The following PDS5B variants were observed in gnomAD, a reference collection of about 807,000 sequenced individuals.
PDS5B encodes the protein sister chromatid cohesion protein PDS5 homolog B.
In PDS5B, 51 loss-of-function variants were observed where a neutral mutation model predicts 184.1. The observed-to-expected ratio is 0.28, with a 90% CI of 0.22 to 0.35. The LOEUF (loss-of-function observed/expected upper bound fraction) is 0.35, where lower values mean the gene tolerates loss of function less well. PDS5B is among the 10% of genes least tolerant of loss of function. The pLI is 1.00. For synonymous variants in PDS5B, 566 were observed against 569.2 expected, an observed-to-expected ratio of 0.99 and a Z score of 0.08; for missense variants, 1,180 against 1,723.3, an observed-to-expected ratio of 0.68 and a Z score of 5.58.
chr13:32,592,193 C>G (rs557939240), intron 1 of PDS5B, among the ~76,000 whole-genome samples: 12 of 152,294 alleles, frequency 7.9e-5, no homozygotes, highest in African/African-American at 2.6e-4. Context: ...CTTTTCCTGT[C>G]AGGCATGGCA....
intron 1 of PDS5B, among the ~76,000 whole-genome samples, chr13:32,595,566 C>G (rs1031380201): frequency 1.3e-5 from 2 of 152,122 alleles, no homozygotes; most frequent in African/African-American, 4.8e-5. Context: ...GAGGTATACA[C>G]AGAGTCTGTG....
intron 10 of PDS5B, 99 bp downstream of exon 10, chr13:32,679,028 A>G (rs1467962926): frequency 1.0e-5 from 6 of 599,572 alleles, no homozygotes; most frequent in African/African-American, 1.9e-5. Flanking sequence ...CGGGGGTGGT[A>G]GGTGAAGTCT....
chr13:32,662,282 G>C (rs1323114907), intron 6 of PDS5B, among the ~76,000 whole-genome samples: 1 of 152,030 alleles, frequency 6.6e-6, no homozygotes, highest in Non-Finnish European at 1.5e-5. Context: ...GTGCACACAG[G>C]CTCAAAATAT....
chr13:32,683,253 C>G (rs1412393398), intron 10 of PDS5B, among the ~76,000 whole-genome samples: 3 of 151,928 alleles, frequency 2.0e-5, no homozygotes, highest in Non-Finnish European at 4.4e-5. Context: ...AAGTGATCCA[C>G]CTACCTCATC....
chr13:32,748,162 T>A (rs139018676), intron 24 of PDS5B, among the ~76,000 whole-genome samples: 2 of 152,354 alleles, frequency 1.3e-5, no homozygotes, highest in Non-Finnish European at 2.9e-5. Flanking sequence ...AGCAAAGCTT[T>A]TCTGTAATCT....
chr13:32,764,856 T>G (rs1954535073), intron 31 of PDS5B, among the ~76,000 whole-genome samples: 1 of 152,144 alleles, frequency 6.6e-6, no homozygotes, highest in Non-Finnish European at 1.5e-5. Context: ...AACTGCTTGG[T>G]TTTTGTATTG....
chr13:32,635,860 C>G (rs1388676080), intron 1 of PDS5B, among the ~76,000 whole-genome samples: 1 of 150,612 alleles, frequency 6.6e-6, no homozygotes, highest in Non-Finnish European at 1.5e-5. Context: ...GCTCCACCTC[C>G]TCGGTTCACG....
intron 1 of PDS5B, among the ~76,000 whole-genome samples, chr13:32,627,221 A>G (rs1404234046): frequency 5.9e-5 from 9 of 152,184 alleles, no homozygotes; most frequent in Non-Finnish European, 1.3e-4. Context: ...TGTGATATCT[A>G]GGGGACTCTG....
In PDS5B at chr13:32,775,247, A is replaced by G. The variant is rs1300589264; in HGVS notation, c.*195A>G. On this transcript the variant is annotated 3_prime_UTR_variant, in exon 35 of 35. Coordinates refer to ENST00000315596, the MANE Select transcript of PDS5B (RefSeq NM_015032.4). ...AGCCATACACATGGTAACATTGACT[A>G]TGGAGTCTTGTGAAAGTGTAATGTG... The G allele has an allele frequency of 1.0e-5, 6 of 579,746 alleles. No individual in the cohort carries two copies. The highest frequency in any genetic ancestry group is 5.6e-5 in the East Asian group (2 of 35,442). The allele number at this position is 579,746 out of a possible 1,614,324, so 35.9% of individuals were successfully genotyped here.
intron 1 of PDS5B, among the ~76,000 whole-genome samples, chr13:32,634,693 C>T (rs560567337): frequency 7.2e-5 from 11 of 151,854 alleles, no homozygotes; most frequent in East Asian, 1.9e-4. Context: ...AAGCGATTCT[C>T]CTGCCTCAGC....
At chr13:32,592,027 C>T (rs745498728) in intron 1 of PDS5B, among the ~76,000 whole-genome samples, 4 of 152,204 alleles carry the variant, frequency 2.6e-5, no homozygotes, top group African/African-American at 4.8e-5. Context: ...GAAGCTGAAG[C>T]GACACACAGG....
chr13:32,744,794 C>T (rs929984860), intron 23 of PDS5B, among the ~76,000 whole-genome samples: 1 of 152,134 alleles, frequency 6.6e-6, no homozygotes, highest in Non-Finnish European at 1.5e-5. Context: ...CTAATGTTGG[C>T]TAGCATCCAG....
intron 20 of PDS5B, among the ~76,000 whole-genome samples, chr13:32,734,731 C>T (rs1394191075): frequency 6.6e-6 from 1 of 152,144 alleles, no homozygotes; most frequent in East Asian, 1.9e-4. Flanking sequence ...CATTTTACTC[C>T]CACTCTCTTG....
chr13:32,698,720 G>C (rs926200526), intron 15 of PDS5B, among the ~76,000 whole-genome samples: 1 of 151,192 alleles, frequency 6.6e-6, no homozygotes, highest in East Asian at 1.9e-4. Context: ...GGGTTCACTC[G>C]AATTTCTACT....
chr13:32,632,702 T>C (rs577634160), intron 1 of PDS5B, among the ~76,000 whole-genome samples: 64 of 152,360 alleles, frequency 4.2e-4, no homozygotes, highest in African/African-American at 1.5e-3. Context: ...CAGCAGTGTT[T>C]ATTGCAGCAC....
chr13:32,658,606 A>G (rs1950572703), intron 5 of PDS5B, 75 bp downstream of exon 5: 2 of 689,632 alleles, frequency 2.9e-6, no homozygotes, highest in Non-Finnish European at 5.0e-6. Context: ...ATCTGCATAA[A>G]CTGTTACAAT....
chr13:32,656,595 C>CTTT (rs561702930), intron 3 of PDS5B, among the ~76,000 whole-genome samples: 21 of 128,246 alleles, frequency 1.6e-4, no homozygotes, highest in African/African-American at 5.9e-4. Context: ...CTTTTTGTGG[C>CTTT]TTTTTTTTTT....
At chr13:32,652,758 A>G (rs78754346) in intron 3 of PDS5B, among the ~76,000 whole-genome samples, 1 of 44,790 alleles carries the variant, frequency 2.2e-5, no homozygotes, top group African/African-American at 1.0e-4. Context: ...CATCTCTATT[A>G]AAAAAAAAAA....
chr13:32,646,505 C>T (rs985835540), intron 1 of PDS5B, among the ~76,000 whole-genome samples: 7 of 146,992 alleles, frequency 4.8e-5, no homozygotes, highest in African/African-American at 1.5e-4. Context: ...TTTTATATGT[C>T]TTACGGTGGA....
Sources: allele counts gnomAD v4.1 joint callset (sites outside exome capture counted in the v4.1 genomes callset), GRCh38; gene constraint gnomAD v4.1.1; transcripts MANE v1.5; gene names NCBI Gene and HGNC (gene_info 2026-07-23, HGNC 2026-07-21).